Variants in TFB1M observed in about 807,000 individuals in gnomAD.
The protein encoded by TFB1M is dimethyladenosine transferase 1, mitochondrial.
In TFB1M, 27 loss-of-function variants were observed where a neutral mutation model predicts 31.1. The ratio of observed to expected loss-of-function variants is 0.87; its 90% confidence interval spans 0.64 to 1.20. The LOEUF (loss-of-function observed/expected upper bound fraction) is 1.20. TFB1M is among the 50% of genes most tolerant of loss of function. The pLI, the probability that TFB1M is intolerant of heterozygous loss-of-function variation, is 0.00. For synonymous variants in TFB1M, 166 were observed against 151.8 expected (o/e 1.09, Z -0.69); for missense variants, 394 against 418.7 (o/e 0.94, Z 0.51).
chr6:155,302,115 T>C (rs113831410), intron 2 of TFB1M, among the ~76,000 whole-genome samples: 1,864 of 152,326 alleles, frequency 0.012, 34 homozygotes, highest in Non-Finnish European at 0.015. Flanking sequence ...GGAAAGAATT[T>C]AGGCAATTCT....
the TFB1M span, chr6:155,250,399 T>C: frequency 5.3e-5 from 32 of 599,196 alleles, no homozygotes; most frequent in East Asian, 5.3e-4. Context: ...TTTATCTGAT[T>C]GCTTAATTTA....
chr6:155,266,021 C>G (rs924209462), intron 5 of TFB1M, among the ~76,000 whole-genome samples: 1 of 151,788 alleles, frequency 6.6e-6, no homozygotes, highest in Non-Finnish European at 1.5e-5. Context: ...CTAGCTGAGC[C>G]GGCAGCTGAT....
At chr6:155,305,826 A>G (rs1777740912) in intron 2 of TFB1M, among the ~76,000 whole-genome samples, 1 of 141,202 alleles carries the variant, frequency 7.1e-6, no homozygotes, top group Non-Finnish European at 1.5e-5. Context: ...TTTTAAAAAT[A>G]AGACATAAAA....
the TFB1M span, chr6:155,240,551 C>T: frequency 2.5e-6 from 4 of 1,613,796 alleles, no homozygotes; most frequent in South Asian, 3.3e-5. Flanking sequence ...GATCACTGCA[C>T]TGTGCAGGAG....
chr6:155,282,903 A>G (rs1398807885), intron 5 of TFB1M, among the ~76,000 whole-genome samples: 1 of 151,702 alleles, frequency 6.6e-6, no homozygotes, highest in Non-Finnish European at 1.5e-5. Flanking sequence ...AATTTTTTGT[A>G]TTTTTAGTAG....
At chr6:155,286,609 ATATATATGTG>A (rs1162162031) in intron 4 of TFB1M, among the ~76,000 whole-genome samples, 1 of 139,462 alleles carries the variant, frequency 7.2e-6, no homozygotes, top group Non-Finnish European at 1.5e-5. Context: ...ATATGTGTGT[ATATATATGTG>A]TATATATGTG....
intron 5 of TFB1M, among the ~76,000 whole-genome samples, chr6:155,283,606 AC>A (rs954505992): frequency 6.6e-5 from 10 of 152,194 alleles, no homozygotes; most frequent in African/African-American, 2.4e-4. Flanking sequence ...AATAATCTCA[AC>A]TAGGTAACTA....
the TFB1M span, among the ~76,000 whole-genome samples, chr6:155,239,866 CGCTCTGCAGG>C: frequency 2.0e-5 from 3 of 152,222 alleles, no homozygotes; most frequent in Non-Finnish European, 4.4e-5. Context: ...CCTGCCTGTG[CGCTCTGCAGG>C]GCTCTGCACC....
chr6:155,280,777 T>C (rs1785462048), intron 5 of TFB1M, among the ~76,000 whole-genome samples: 1 of 152,216 alleles, frequency 6.6e-6, no homozygotes, highest in Non-Finnish European at 1.5e-5. Flanking sequence ...GTCTCTTCTG[T>C]GGACCCATCC....
chr6:155,258,435 G>C (rs1460707933), intron 6 of TFB1M, among the ~76,000 whole-genome samples: 1 of 152,158 alleles, frequency 6.6e-6, no homozygotes, highest in African/African-American at 2.4e-5. Flanking sequence ...TGTGAAAGTT[G>C]TATTATTTCT....
chr6:155,267,299 A>C (rs1784699471), intron 5 of TFB1M, among the ~76,000 whole-genome samples: 1 of 152,200 alleles, frequency 6.6e-6, no homozygotes. Context: ...TTCTTGATGA[A>C]AGGGTCAGCT....
downstream of TFB1M, among the ~76,000 whole-genome samples, chr6:155,252,487 AATAAAGTAG>A (rs1441882613): frequency 6.6e-6 from 1 of 152,160 alleles, no homozygotes; most frequent in Non-Finnish European, 1.5e-5. Flanking sequence ...TAAATAAGTA[AATAAAGTAG>A]ATAAATACTC....
intron 2 of TFB1M, among the ~76,000 whole-genome samples, chr6:155,309,429 T>C (rs528096936): frequency 3.3e-5 from 5 of 152,298 alleles, no homozygotes; most frequent in South Asian, 2.1e-4. Context: ...TGTCAGATGA[T>C]GATAAATCGA....
In TFB1M at chr6:155,256,496, CTT is replaced by C; in HGVS notation, c.*1338_*1339del. 1 of 1,614,158 alleles carries C rather than the reference CTT, an allele frequency of 6.2e-7. No individual in the cohort carries two copies. The highest frequency in any genetic ancestry group is 2.2e-5 in the East Asian group (1 of 44,882). ...TTTCTCACTGTAGCTTCATCCAGGT[CTT>C]TAAAAGTCCTGAAGAATTCCTCCAG... On this transcript the variant is annotated 3_prime_UTR_variant, in exon 7 of 7. Transcript: ENST00000367166.
At chr6:155,262,029 T>C (rs974751791) in intron 5 of TFB1M, among the ~76,000 whole-genome samples, 1 of 152,206 alleles carries the variant, frequency 6.6e-6, no homozygotes. Flanking sequence ...AACTACCTCT[T>C]CCTACAGGAC....
the TFB1M span, chr6:155,244,903 C>T: frequency 7.9e-7 from 1 of 1,262,554 alleles, no homozygotes; most frequent in Middle Eastern, 2.7e-4. Context: ...ATTTATTGTC[C>T]TGTGACTATT....
In TFB1M at chr6:155,257,596, A is replaced by C. The variant is rs1784149325; in HGVS notation, c.*240T>G. 8.1e-6 allele frequency: 4 copies of C among 491,930 alleles called. No individual in the cohort carries two copies. The highest frequency in any genetic ancestry group is 8.0e-5 in the South Asian group (3 of 37,496). 30.5% of individuals were successfully genotyped at this position (491,930 alleles called of 1,614,324 possible). A position where few individuals can be genotyped will look rare whatever the true frequency, so the allele number is the denominator to read the frequency against. ...ATTTTTGTAAGATAGATTGTAATAG[A>C]TGCTGTTTATACTAAACATGTCATA... On this transcript the variant is annotated 3_prime_UTR_variant, in exon 7 of 7. Coordinates refer to ENST00000367166, the MANE Select transcript of TFB1M (RefSeq NM_016020.4).
chr6:155,298,893 C>T (rs893353628), intron 2 of TFB1M, among the ~76,000 whole-genome samples: 8 of 152,054 alleles, frequency 5.3e-5, no homozygotes, highest in Admixed American at 4.6e-4. Context: ...AAACTCACTC[C>T]TATCAATAAG....
chr6:155,256,815 C>T lies in TFB1M; in HGVS notation c.*1021G>A, dbSNP rs2114647164. The T allele has an allele frequency of 6.2e-7, 1 of 1,614,128 alleles. No individual in the cohort carries two copies. The highest frequency in any genetic ancestry group is 8.5e-7 in the Non-Finnish European group (1 of 1,180,034). On this transcript the variant is annotated 3_prime_UTR_variant, in exon 7 of 7. Transcript: ENST00000367166. ...TCCAGAGACTGAGGATTTCCGAGGA[C>T]CCAGACGTTCACCCCGAGGCTGAGC... is the stretch of plus-strand genomic sequence containing the variant.
Sources: allele counts gnomAD v4.1 joint callset (sites outside exome capture counted in the v4.1 genomes callset), GRCh38; gene constraint gnomAD v4.1.1; transcripts MANE v1.5; gene names NCBI Gene and HGNC (gene_info 2026-07-23, HGNC 2026-07-21).